Variants in RALYL observed in about 807,000 individuals in gnomAD.
The protein encoded by RALYL is RALY RNA binding protein like.
In RALYL, 29 loss-of-function variants were observed where a neutral mutation model predicts 35.1. The ratio of observed to expected loss-of-function variants is 0.83; its 90% confidence interval spans 0.61 to 1.13. RALYL has a LOEUF of 1.13. Ranked by LOEUF, RALYL falls within the 50% of genes most tolerant of loss-of-function variation. RALYL has a pLI of 0.00. For synonymous variants in RALYL, 120 were observed against 127.6 expected, an observed-to-expected ratio of 0.94 and a Z score of 0.40; for missense variants, 359 against 360.4, an observed-to-expected ratio of 1.00 and a Z score of 0.03.
Position 84,336,664 on chromosome 8 carries a change from G to A in RALYL, c.-24+152240G>A, listed in dbSNP as rs141690638. Among the ~76,000 whole-genome samples the A allele has an allele frequency of 2.2e-3, 337 of 152,160 alleles. 1 individual carries two copies. The highest frequency in any genetic ancestry group is 3.8e-3 in the Non-Finnish European group (255 of 67,986). ...GGTAATTGTTAGGGGATTGTCATGT[G>A]TTTGTTTTTTAAGATGAGAAGTTCC... On this transcript the variant is annotated intron_variant, in intron 1 of 8. Transcript: ENST00000521268.
chr8:84,557,899 C>A (rs1316620551), intron 2 of RALYL, among the ~76,000 whole-genome samples: 1 of 152,110 alleles, frequency 6.6e-6, no homozygotes, highest in East Asian at 1.9e-4. Flanking sequence ...TCATTAGGAG[C>A]ATTACTTTGG....
intron 1 of RALYL, among the ~76,000 whole-genome samples, chr8:84,302,045 C>G (rs1372373711): frequency 6.6e-6 from 1 of 152,084 alleles, no homozygotes; most frequent in Non-Finnish European, 1.5e-5. Context: ...TATCATTTAG[C>G]CTTTTGGAGT....
intron 1 of RALYL, among the ~76,000 whole-genome samples, chr8:84,425,527 G>T (rs2046303136): frequency 6.6e-6 from 1 of 152,172 alleles, no homozygotes; most frequent in African/African-American, 2.4e-5. Flanking sequence ...GCTCACGCTG[G>T]GAGCTGTAGA....
At chr8:84,322,885 C>G (rs1305148130) in intron 1 of RALYL, among the ~76,000 whole-genome samples, 2 of 152,130 alleles carry the variant, frequency 1.3e-5, no homozygotes, top group East Asian at 3.9e-4. Flanking sequence ...TCAAATATCC[C>G]ACGTTGATCA....
rs1187152865 is a variant in RALYL at position 84,407,046 on chromosome 8, ACT to A, written c.-23-122251_-23-122250del. On this transcript the variant is annotated intron_variant, in intron 1 of 8. Coordinates refer to ENST00000521268, the MANE Select transcript of RALYL (RefSeq NM_173848.7). ...TATATATATATATATACACACACAC[ACT>A]CACACACACACACACACACAAACAC... Among the ~76,000 whole-genome samples the A allele has an allele frequency of 1.5e-3, 222 of 148,138 alleles. 2 individuals carry two copies. Among genetic ancestry groups the A allele is most frequent in the African/African-American group, 5.4e-3 (213 of 39,268 alleles).
chr8:84,523,729 T>C (rs999944818), intron 1 of RALYL, among the ~76,000 whole-genome samples: 19 of 140,972 alleles, frequency 1.3e-4, no homozygotes, highest in African/African-American at 5.0e-4. Flanking sequence ...TGTGATCTCA[T>C]TGTTCAATTC....
chr8:84,299,826 T>C (rs1320642024), intron 1 of RALYL, among the ~76,000 whole-genome samples: 1 of 151,978 alleles, frequency 6.6e-6, no homozygotes, highest in African/African-American at 2.4e-5. Context: ...CCCTTTGTGA[T>C]GGTGTTTATT....
Position 84,752,126 on chromosome 8 carries a change from G to A in RALYL, c.257-22453G>A, listed in dbSNP as rs202015611. On this transcript the variant is annotated intron_variant, in intron 2 of 8. Transcript: ENST00000521268. Reference sequence around the variant, plus strand: ...GGACGATGAAGTCCAGGCTAAGGAGGTCTCAGATGGAGATGAGGAGCTTAT... The same window carrying A: ...GGACGATGAAGTCCAGGCTAAGGAGATCTCAGATGGAGATGAGGAGCTTAT... Among the ~76,000 whole-genome samples the A allele has an allele frequency of 5.3e-5, 8 of 152,172 alleles. No homozygotes were observed. In the East Asian group the frequency reaches 7.7e-4, roughly 15 times the overall value.
intron 5 of RALYL, among the ~76,000 whole-genome samples, chr8:84,856,327 T>C (rs1586792391): frequency 1.3e-5 from 2 of 152,342 alleles, no homozygotes; most frequent in South Asian, 4.1e-4. Flanking sequence ...TAGTGGCTTA[T>C]AACCCCACAA....
At chr8:84,902,011 G>A (rs1222572116) in intron 8 of RALYL, among the ~76,000 whole-genome samples, 4 of 152,060 alleles carry the variant, frequency 2.6e-5, no homozygotes, top group Non-Finnish European at 2.9e-5. Flanking sequence ...TCTTAATGAG[G>A]CTCACATAAA....
chr8:84,539,819 A>C (rs1220375128), intron 2 of RALYL, among the ~76,000 whole-genome samples: 1 of 131,184 alleles, frequency 7.6e-6, no homozygotes, highest in Non-Finnish European at 1.6e-5. Context: ...ATATATATTA[A>C]GTGATCAAGT....
In RALYL at chr8:84,342,571, C is replaced by T. The variant is rs145239759; in HGVS notation, c.-24+158147C>T. 4.7e-3 allele frequency among the ~76,000 whole-genome samples: 712 copies of T among 151,628 alleles called. 6 individuals carry two copies. The highest frequency in any genetic ancestry group is 0.039 in the South Asian group (188 of 4,816). ...TCTTTCCAAATGATGATGGATAAGC[C>T]AAGCATTTCTATAATTGCATACTGA... On this transcript the variant is annotated intron_variant, in intron 1 of 8. Transcript: ENST00000521268.
intron 1 of RALYL, among the ~76,000 whole-genome samples, chr8:84,255,739 G>A (rs1831084967): frequency 6.6e-6 from 1 of 152,014 alleles, no homozygotes; most frequent in South Asian, 2.1e-4. Context: ...CATAATAGCT[G>A]CACATCTGAA....
At chr8:84,334,524 TTAAA>T (rs1215928465) in intron 1 of RALYL, among the ~76,000 whole-genome samples, 3 of 151,128 alleles carry the variant, frequency 2.0e-5, no homozygotes, top group African/African-American at 7.3e-5. Context: ...AAATATATAA[TTAAA>T]TAATTACATA....
At chr8:84,763,439 AATG>A (rs1297715764) in intron 2 of RALYL, among the ~76,000 whole-genome samples, 1 of 152,226 alleles carries the variant, frequency 6.6e-6, no homozygotes, top group East Asian at 1.9e-4. Flanking sequence ...TCTGTTCACT[AATG>A]ATGAATATAT....
intron 2 of RALYL, among the ~76,000 whole-genome samples, chr8:84,700,021 A>G (rs1283707875): frequency 6.6e-6 from 1 of 152,162 alleles, no homozygotes; most frequent in Non-Finnish European, 1.5e-5. Context: ...TCCAAAGGAT[A>G]TGATAAAGAA....
Position 84,735,809 on chromosome 8 carries a change from C to CGTGAGAGAGAGA in RALYL, c.257-38769_257-38768insTGAGAGAGAGAG, listed in dbSNP as rs766504736. ...CCCCATTCCTTAAGATCATCCAAACCGCGAGAGAGAGAGAGAGAGAGAGAG... is the reference window on the plus strand; with the variant it reads ...CCCCATTCCTTAAGATCATCCAAACCGTGAGAGAGAGAGCGAGAGAGAGAGAGAGAGAGAGAG... On this transcript the variant is annotated intron_variant, in intron 2 of 8. Transcript: ENST00000521268. Among the ~76,000 whole-genome samples, 154 of 119,096 alleles carry CGTGAGAGAGAGA rather than the reference C, an allele frequency of 1.3e-3. 2 individuals carry two copies. The highest frequency in any genetic ancestry group is 4.4e-3 in the African/African-American group (140 of 31,602). The allele number at this position is 119,096 out of a possible 152,430, so 78.1% of individuals were successfully genotyped here.
chr8:84,790,039 G>A (rs1172512464), intron 3 of RALYL, among the ~76,000 whole-genome samples: 1 of 152,190 alleles, frequency 6.6e-6, no homozygotes, highest in East Asian at 1.9e-4. Context: ...ACTAGTCTTA[G>A]GGGTAGGTGA....
At chr8:84,314,758 G>T (rs1382874905) in intron 1 of RALYL, among the ~76,000 whole-genome samples, 1 of 152,068 alleles carries the variant, frequency 6.6e-6, no homozygotes, top group Non-Finnish European at 1.5e-5. Flanking sequence ...TTTAAAGACA[G>T]CATCACCATA....
Sources: allele counts gnomAD v4.1 joint callset (sites outside exome capture counted in the v4.1 genomes callset), GRCh38; gene constraint gnomAD v4.1.1; transcripts MANE v1.5; gene names NCBI Gene and HGNC (gene_info 2026-07-23, HGNC 2026-07-21).